FAM120C: variants seen among roughly 807,000 people sequenced by gnomAD.
The protein encoded by FAM120C is family with sequence similarity 120 member C.
A neutral mutation model predicts 71.2 loss-of-function variants in FAM120C; 14 were observed. The ratio of observed to expected loss-of-function variants is 0.20; its 90% CI spans 0.13 to 0.31. FAM120C has a LOEUF of 0.31. FAM120C is among the 10% of genes least tolerant of loss of function. The pLI, the probability that FAM120C is intolerant of heterozygous loss-of-function variation, is 1.00. For synonymous variants in FAM120C, 354 were observed against 353.2 expected (o/e 1.00, Z -0.03); for missense variants, 500 against 879.0 (o/e 0.57, Z 5.45).
At chrX:54,172,864 G>A (rs969462505) in intron 1 of FAM120C, among the ~76,000 whole-genome samples, 1 of 112,042 alleles carries the variant, frequency 8.9e-6, no homozygotes, top group Non-Finnish European at 1.9e-5. Context: ...AGAACCACTG[G>A]CTACGTATAC....
At chrX:54,142,418 CAGG>C (rs2067130344) in intron 4 of FAM120C, among the ~76,000 whole-genome samples, 2 of 112,359 alleles carry the variant, frequency 1.8e-5, no homozygotes, top group African/African-American at 6.5e-5. Context: ...AATGGCACAC[CAGG>C]AGATTATATC....
chrX:54,146,271 C>T (rs1304049627), intron 4 of FAM120C, among the ~76,000 whole-genome samples: 2 of 110,189 alleles, frequency 1.8e-5, no homozygotes, highest in Non-Finnish European at 3.8e-5. Flanking sequence ...CAAACCTGCA[C>T]GTTGTGCACA....
intron 2 of FAM120C, among the ~76,000 whole-genome samples, chrX:54,158,778 T>A (rs2067222612): frequency 9.1e-6 from 1 of 110,442 alleles, no homozygotes; most frequent in Non-Finnish European, 1.9e-5. Context: ...CAAAAATAAA[T>A]AAAATAAAAT....
rs1443383508 is a variant in FAM120C at position 54,069,952 on chromosome X, C to T, written c.*3081G>A. Reference sequence around the variant, plus strand: ...AACCAGTGTTTTGCTTATGGTCCTACAATGTAAAGGGGTCATTTCTGGGGG... The same window carrying T: ...AACCAGTGTTTTGCTTATGGTCCTATAATGTAAAGGGGTCATTTCTGGGGG... On this transcript the variant is annotated 3_prime_UTR_variant, in exon 16 of 16. Coordinates refer to ENST00000375180, the MANE Select transcript of FAM120C (RefSeq NM_017848.6). The T allele has an allele frequency of 2.7e-5, 3 of 111,471 alleles. No homozygotes were observed. The highest frequency in any genetic ancestry group is 5.6e-5 in the Non-Finnish European group (3 of 53,111). 9.2% of individuals were successfully genotyped at this position (111,471 alleles called of 1,213,427 possible). A position where few individuals can be genotyped will look rare whatever the true frequency, so the allele number is the denominator to read the frequency against.
At chrX:54,135,409 ATATAG>A (rs2067089449) in intron 6 of FAM120C, 114 bp downstream of exon 6, 4 of 628,725 alleles carry the variant, frequency 6.4e-6, no homozygotes, top group East Asian at 3.6e-5. Context: ...TGAGAAGGTA[ATATAG>A]TATATATAGC....
chrX:54,133,733 T>C (rs1557129841), intron 8 of FAM120C, 40 bp downstream of exon 8: 1 of 1,179,347 alleles, frequency 8.5e-7, no homozygotes, highest in Admixed American at 2.2e-5. Context: ...GGAAGTACAG[T>C]GTTAAGAGCA....
At chrX:54,130,368 G>A (rs1479289230) in intron 9 of FAM120C, among the ~76,000 whole-genome samples, 1 of 111,536 alleles carries the variant, frequency 9.0e-6, no homozygotes, top group African/African-American at 3.3e-5. Context: ...TGGCTGTTGT[G>A]AAATCCTTGT....
chrX:54,131,435 A>ATTT (rs782721502), intron 9 of FAM120C, among the ~76,000 whole-genome samples: 1 of 95,947 alleles, frequency 1.0e-5, no homozygotes, highest in Non-Finnish European at 2.1e-5. Flanking sequence ...TGCCCAGCTA[A>ATTT]TTTTTTTTTT....
intron 12 of FAM120C, 107 bp from the exon 13 acceptor site, chrX:54,086,023 A>G (rs1455404012): frequency 8.7e-6 from 6 of 692,665 alleles, no homozygotes; most frequent in Non-Finnish European, 1.3e-5. Flanking sequence ...TTCTATTCCC[A>G]TTAAGTGAAC....
intron 13 of FAM120C, among the ~76,000 whole-genome samples, chrX:54,084,406 C>T (rs2066783195): frequency 8.9e-6 from 1 of 111,973 alleles, no homozygotes; most frequent in African/African-American, 3.2e-5. Context: ...AAAAAACTAA[C>T]TTCAACTTCC....
At chrX:54,165,330 C>T (rs782580212) in intron 1 of FAM120C, among the ~76,000 whole-genome samples, 1 of 111,609 alleles carries the variant, frequency 9.0e-6, no homozygotes, top group Admixed American at 9.6e-5. Flanking sequence ...AGTTCCCCTT[C>T]CCTTTATTTA....
chrX:54,128,910 T>G (rs1294179318), intron 9 of FAM120C, among the ~76,000 whole-genome samples: 1 of 110,724 alleles, frequency 9.0e-6, no homozygotes, highest in Admixed American at 9.5e-5. Flanking sequence ...TTTCTCAATC[T>G]TTTCCCCACC....
At position 54,097,706 on chromosome X, in the gene FAM120C, G is replaced by C. The variant is rs781880708; in HGVS notation, c.2313-6280C>G. On this transcript the variant is annotated intron_variant, in intron 10 of 15. Transcript: ENST00000375180. ...TTTTATATCTTCTTTTTTGAAGGAG[G>C]ACTCAGTCTTTATTTATTTTTATTT... Among the ~76,000 whole-genome samples, 10 of 111,348 alleles carry C rather than the reference G, an allele frequency of 9.0e-5. No homozygotes were observed. The East Asian group carries it at 2.8e-3, about 31-fold the overall frequency.
chrX:54,161,700 C>G lies in FAM120C; in HGVS notation c.700-2084G>C, dbSNP rs1345107308. On this transcript the variant is annotated intron_variant, in intron 1 of 15. Coordinates refer to ENST00000375180, the MANE Select transcript of FAM120C (RefSeq NM_017848.6). ...AGACTGGAGTGCAGTGGCCTGATCT[C>G]GGTTCAGTGCAACCTCCATGTCCCA... Among the ~76,000 whole-genome samples the G allele has an allele frequency of 2.7e-5, 3 of 112,500 alleles. No homozygotes were observed. The South Asian group carries it at 1.1e-3, about 41-fold the overall frequency.
intron 1 of FAM120C, among the ~76,000 whole-genome samples, chrX:54,169,525 A>G (rs1557135675): frequency 9.0e-6 from 1 of 111,588 alleles, no homozygotes; most frequent in African/African-American, 3.3e-5. Context: ...TAGAGGCAAT[A>G]CTGCTTTCTG....
At chrX:54,158,511 G>A (rs1226080470) in intron 2 of FAM120C, among the ~76,000 whole-genome samples, 2 of 112,335 alleles carry the variant, frequency 1.8e-5, no homozygotes, top group Non-Finnish European at 3.7e-5. Flanking sequence ...TCTCACGCCT[G>A]TAATCCCAGC....
chrX:54,127,539 C>T (rs1230202989), intron 9 of FAM120C, among the ~76,000 whole-genome samples: 6 of 95,906 alleles, frequency 6.3e-5, no homozygotes, highest in African/African-American at 2.0e-4. Context: ...TGCAGTGAGC[C>T]GAGATTGTGC....
At chrX:54,098,489 C>T (rs782492174) in intron 10 of FAM120C, among the ~76,000 whole-genome samples, 1 of 111,878 alleles carries the variant, frequency 8.9e-6, no homozygotes, top group South Asian at 3.7e-4. Context: ...TTAAATCTCC[C>T]ACCCGATCCC....
chrX:54,181,091 ATCTAGGCAC>A (rs1366018581), intron 1 of FAM120C, among the ~76,000 whole-genome samples: 4 of 109,345 alleles, frequency 3.7e-5, no homozygotes, highest in Admixed American at 2.0e-4. Context: ...AACAACTATA[ATCTAGGCAC>A]TCTAGGCACA....
Sources: allele counts gnomAD v4.1 joint callset (sites outside exome capture counted in the v4.1 genomes callset), GRCh38; gene constraint gnomAD v4.1.1; transcripts MANE v1.5; gene names NCBI Gene and HGNC (gene_info 2026-07-23, HGNC 2026-07-21).